CCDC138: variants seen among roughly 807,000 people sequenced by gnomAD.
The protein encoded by CCDC138 is coiled-coil domain containing 138, also known as coiled-coil domain-containing protein 138.
Under a neutral mutation model 82.3 loss-of-function variants are expected in CCDC138, and 66 were observed. That is an observed-to-expected ratio of 0.80 (90% CI 0.66 to 0.98). The LOEUF is 0.98. CCDC138 is among the 50% of genes least tolerant of loss of function. The pLI is 0.00. For missense variants in CCDC138, 816 were observed against 758.9 expected (o/e 1.08, Z -0.88); for synonymous variants, 297 against 265.4 (o/e 1.12, Z -1.16).
At chr2:108,876,583 G>T (rs1415308329), downstream of CCDC138, 1 of 163,824 alleles carries the variant, frequency 6.1e-6, no homozygotes, top group Non-Finnish European at 1.3e-5. Context: ...TGAGAACAGG[G>T]TTAAATAATA....
intron 6 of CCDC138, among the ~76,000 whole-genome samples, chr2:108,803,560 C>T (rs991522482): frequency 1.3e-5 from 2 of 152,328 alleles, no homozygotes; most frequent in African/African-American, 2.4e-5. Context: ...CTCCCTCAGC[C>T]TCCTGAGTGC....
At chr2:108,848,401 G>T (rs1690855960) in intron 12 of CCDC138, among the ~76,000 whole-genome samples, 1 of 152,144 alleles carries the variant, frequency 6.6e-6, no homozygotes, top group Non-Finnish European at 1.5e-5. Flanking sequence ...CCGTTAATTT[G>T]TGGAGACTCT....
chr2:108,823,416 A>G (rs897250613), intron 10 of CCDC138, among the ~76,000 whole-genome samples: 3 of 151,612 alleles, frequency 2.0e-5, no homozygotes, highest in East Asian at 1.9e-4. Flanking sequence ...TCAACAGTAC[A>G]GTCATGTGTT....
downstream of CCDC138, among the ~76,000 whole-genome samples, chr2:108,881,128 T>C (rs1696280048): frequency 6.6e-6 from 1 of 152,242 alleles, no homozygotes; most frequent in Non-Finnish European, 1.5e-5. Context: ...GAAGGCTGTT[T>C]CATCTACATT....
At chr2:108,815,902 T>A (rs1447933943) in intron 9 of CCDC138, 39 bp from the exon 10 acceptor site, 1 of 1,539,782 alleles carries the variant, frequency 6.5e-7, no homozygotes, top group South Asian at 1.2e-5. Flanking sequence ...TTTTATGAAG[T>A]TGTGAACTGA....
chr2:108,864,220 T>C (rs1694060553), intron 13 of CCDC138, among the ~76,000 whole-genome samples: 1 of 152,034 alleles, frequency 6.6e-6, no homozygotes, highest in Non-Finnish European at 1.5e-5. Flanking sequence ...CACCAATTAG[T>C]GTGGTAGAAG....
chr2:108,799,961 T>A (rs1373253815), intron 6 of CCDC138, among the ~76,000 whole-genome samples: 1 of 151,966 alleles, frequency 6.6e-6, no homozygotes, highest in Non-Finnish European at 1.5e-5. Flanking sequence ...GTTTAAAAAA[T>A]TTATTTTTGT....
At chr2:108,844,362 CTG>C (rs1272363170) in intron 11 of CCDC138, among the ~76,000 whole-genome samples, 2 of 152,104 alleles carry the variant, frequency 1.3e-5, no homozygotes, top group Admixed American at 1.3e-4. Context: ...GTTATTGAGA[CTG>C]TTATTGTATT....
chr2:108,805,053 A>G lies in CCDC138; in HGVS notation c.855+45A>G, dbSNP rs1239161701. On this transcript the variant is annotated intron_variant, in intron 7 of 14. Transcript: ENST00000295124. ...ATACTGAACATAAGACATTCTAAGA[A>G]GTATATTTTATATATAACAAATTAA... 5 of 1,081,114 alleles carry G rather than the reference A, an allele frequency of 4.6e-6. No individual in the cohort carries two copies. The South Asian group carries it at 1.1e-4, about 25-fold the overall frequency. The allele number at this position is 1,081,114 out of a possible 1,614,324, so 67.0% of individuals were successfully genotyped here.
intron 12 of CCDC138, among the ~76,000 whole-genome samples, chr2:108,851,395 A>G (rs1233708926): frequency 3.3e-5 from 5 of 152,050 alleles, no homozygotes; most frequent in Admixed American, 2.0e-4. Context: ...TCTGCCTCCC[A>G]GGTTCAAGCA....
chr2:108,866,147 T>C (rs985830115), intron 13 of CCDC138, among the ~76,000 whole-genome samples: 8 of 152,118 alleles, frequency 5.3e-5, no homozygotes, highest in African/African-American at 1.9e-4. Flanking sequence ...AGAAAGGGAA[T>C]TTGGCCATGG....
At chr2:108,821,961 A>C (rs1224108674) in intron 10 of CCDC138, among the ~76,000 whole-genome samples, 1 of 150,604 alleles carries the variant, frequency 6.6e-6, no homozygotes, top group Non-Finnish European at 1.5e-5. Context: ...TCCTTCCTTT[A>C]TCAGTAATTA....
chr2:108,822,590 ACAT>A (rs1460312452), intron 10 of CCDC138, among the ~76,000 whole-genome samples: 1 of 152,234 alleles, frequency 6.6e-6, no homozygotes, highest in African/African-American at 2.4e-5. Context: ...TCAAAGATTG[ACAT>A]CATTACAAAA....
Position 108,798,565 on chromosome 2 carries a change from A to G in CCDC138, c.714A>G (p.Thr238=). 1.9e-6 allele frequency: 3 copies of G among 1,609,928 alleles called. No individual in the cohort carries two copies. Among genetic ancestry groups the G allele is most frequent in the Non-Finnish European group, 2.5e-6 (3 of 1,178,338 alleles). ...AAGGTGTTGAAGAAGAGGTTCTTAC[A>G]AGATTTCAAATTATAAAAGAGGTAA... ...KIKGVEEEVL[T]RFQIIKEQHD... Residue 238 remains threonine, a synonymous_variant, in exon 6 of 15, where the codon ACA becomes ACG. Transcript: ENST00000295124.
downstream of CCDC138, among the ~76,000 whole-genome samples, chr2:108,878,631 A>G (rs1696185690): frequency 6.6e-6 from 1 of 152,320 alleles, no homozygotes; most frequent in African/African-American, 2.4e-5. Flanking sequence ...TGGTTTAGTA[A>G]CAAATATGTG....
At chr2:108,806,011 C>T (rs1682820276) in intron 7 of CCDC138, among the ~76,000 whole-genome samples, 1 of 80,010 alleles carries the variant, frequency 1.2e-5, no homozygotes, top group African/African-American at 2.8e-5. Flanking sequence ...CTCAGACTCT[C>T]CTAGAGTTCC....
At chr2:108,793,376 C>T (rs1020826092) in intron 4 of CCDC138, among the ~76,000 whole-genome samples, 20 of 151,866 alleles carry the variant, frequency 1.3e-4, no homozygotes, top group African/African-American at 4.6e-4. Flanking sequence ...TGACCGAGAG[C>T]ATTTTATACT....
chr2:108,843,608 G>A (rs1689886429), intron 11 of CCDC138, among the ~76,000 whole-genome samples: 1 of 152,020 alleles, frequency 6.6e-6, no homozygotes, highest in Non-Finnish European at 1.5e-5. Flanking sequence ...AATTCTTTCT[G>A]CCCTCCATGG....
chr2:108,819,242 G>C (rs1401787386), intron 10 of CCDC138, among the ~76,000 whole-genome samples: 1 of 152,170 alleles, frequency 6.6e-6, no homozygotes, highest in Non-Finnish European at 1.5e-5. Flanking sequence ...CCTTCAAAAG[G>C]AGTGGAAAAG....
Sources: gnomAD v4.1 joint callset for allele counts (sites outside exome capture counted in the v4.1 genomes callset) on GRCh38, gnomAD v4.1.1 for gene constraint, MANE v1.5 for transcripts, NCBI Gene and HGNC (gene_info 2026-07-23, HGNC 2026-07-21) for gene names.